Variants in NPNT observed in about 807,000 individuals in gnomAD.
NPNT encodes preosteoblast EGF-like repeat protein with MAM domain.
NPNT carries 45 observed loss-of-function variants against 68.6 expected under a neutral mutation model. The observed-to-expected ratio is 0.66, with a 90% CI of 0.52 to 0.84. The LOEUF (loss-of-function observed/expected upper bound fraction) is 0.84. NPNT is among the 40% of genes least tolerant of loss of function. The pLI is 0.00. For missense variants in NPNT, 672 were observed against 714.8 expected (o/e 0.94, Z 0.68); for synonymous variants, 233 against 253.3 (o/e 0.92, Z 0.76).
At chr4:105,956,137 G>A (rs1731205219) in intron 8 of NPNT, among the ~76,000 whole-genome samples, 1 of 123,680 alleles carries the variant, frequency 8.1e-6, no homozygotes, top group Non-Finnish European at 1.9e-5. Context: ...AATTCTTTGT[G>A]TTGCCATCTT....
chr4:105,920,201 T>C (rs1312912953), intron 2 of NPNT, among the ~76,000 whole-genome samples: 1 of 151,818 alleles, frequency 6.6e-6, no homozygotes, highest in Non-Finnish European at 1.5e-5. Flanking sequence ...CAAGCCAGCT[T>C]CTATTCTTTT....
At chr4:105,929,229 A>G (rs771328783) in intron 3 of NPNT, among the ~76,000 whole-genome samples, 13 of 151,976 alleles carry the variant, frequency 8.6e-5, no homozygotes, top group Non-Finnish European at 1.9e-4. Flanking sequence ...GTGTTAAGAC[A>G]CCGTTTTTAC....
chr4:105,921,923 T>C (rs1728282644), intron 2 of NPNT, among the ~76,000 whole-genome samples: 1 of 152,216 alleles, frequency 6.6e-6, no homozygotes, highest in Non-Finnish European at 1.5e-5. Context: ...AGTCTTCCAG[T>C]TTCATATCTA....
chr4:105,960,747 A>C (rs1476594812), intron 10 of NPNT, among the ~76,000 whole-genome samples: 1 of 149,980 alleles, frequency 6.7e-6, no homozygotes, highest in African/African-American at 2.5e-5. Flanking sequence ...ATAAGAGAGA[A>C]ACCAACATAT....
At chr4:105,933,598 C>T (rs957970869) in intron 3 of NPNT, among the ~76,000 whole-genome samples, 2 of 151,984 alleles carry the variant, frequency 1.3e-5, no homozygotes, top group East Asian at 3.8e-4. Flanking sequence ...ATGACATTGC[C>T]CGATTTAAGC....
Position 105,940,606 on chromosome 4 carries a change from G to A in NPNT, c.733G>A (p.Gly245Arg), listed in dbSNP as rs148105888. Residue 245 changes from glycine (G) to arginine (R), a missense_variant, in exon 7 of 12, where the codon GGA (glycine) becomes AGA (arginine). Coordinates refer to ENST00000379987, the MANE Select transcript of NPNT (RefSeq NM_001033047.3). Reference protein sequence around the residue: ...RGSYKCKCKEGYQGDGLTCVY... With the variant: ...RGSYKCKCKERYQGDGLTCVY... ...GTCCTACAAGTGCAAATGTAAAGAA[G>A]GATACCAGGGTGATGGACTGACTTG... The A allele has an allele frequency of 1.7e-4, 281 of 1,613,424 alleles. No individual in the cohort carries two copies. Among genetic ancestry groups the A allele is most frequent in the Middle Eastern group, 5.0e-4 (3 of 6,058 alleles).
At chr4:105,898,264 C>T (rs556410374) in intron 2 of NPNT, 80 of 326,248 alleles carry the variant, frequency 2.5e-4, no homozygotes, top group African/African-American at 1.6e-3. Flanking sequence ...ATCTGCATCT[C>T]CTTCCTGTTT....
intron 8 of NPNT, among the ~76,000 whole-genome samples, chr4:105,955,888 ATTAG>A (rs959429872): frequency 5.3e-5 from 8 of 152,086 alleles, no homozygotes; most frequent in Non-Finnish European, 8.8e-5. Flanking sequence ...AGGAAGGAAA[ATTAG>A]TTAAATAATT....
At chr4:105,968,767 T>G in intron 11 of NPNT, 128 bp from the exon 12 acceptor site, 1 of 597,750 alleles carries the variant, frequency 1.7e-6, no homozygotes, top group Non-Finnish European at 3.0e-6. Context: ...AACTATATTC[T>G]GTTTTTTTCC....
At chr4:105,956,032 A>C (rs1040190580) in intron 8 of NPNT, among the ~76,000 whole-genome samples, 3 of 152,150 alleles carry the variant, frequency 2.0e-5, no homozygotes, top group African/African-American at 7.2e-5. Flanking sequence ...TCTGCTGCTA[A>C]ATTAAATGGT....
intron 8 of NPNT, among the ~76,000 whole-genome samples, chr4:105,953,631 C>G (rs1464419525): frequency 6.6e-6 from 1 of 152,024 alleles, no homozygotes; most frequent in Non-Finnish European, 1.5e-5. Context: ...GAGGAGAGAC[C>G]ATCTCATAAA....
intron 3 of NPNT, chr4:105,932,624 C>G: frequency 6.5e-7 from 1 of 1,534,858 alleles, no homozygotes; most frequent in Non-Finnish European, 8.7e-7. Flanking sequence ...ACGAGCACAT[C>G]CCAGCTCCTC....
intron 10 of NPNT, among the ~76,000 whole-genome samples, chr4:105,961,505 A>T (rs1731718327): frequency 6.6e-6 from 1 of 152,232 alleles, no homozygotes; most frequent in African/African-American, 2.4e-5. Context: ...TCTATGTAAA[A>T]TACTTGAGTT....
At chr4:105,933,141 G>T (rs1729246243) in intron 3 of NPNT, among the ~76,000 whole-genome samples, 1 of 152,042 alleles carries the variant, frequency 6.6e-6, no homozygotes, top group South Asian at 2.1e-4. Context: ...CCTTCTTTTG[G>T]TATACATTGT....
chr4:105,956,960 C>T (rs1204904836), intron 8 of NPNT, among the ~76,000 whole-genome samples: 2 of 152,142 alleles, frequency 1.3e-5, no homozygotes, highest in Admixed American at 6.6e-5. Flanking sequence ...CTTGTGCAAA[C>T]GTTCTGGGAT....
Position 105,937,082 on chromosome 4 carries a change from C to T in NPNT, c.339C>T (p.Cys113=), listed in dbSNP as rs781343210. Residue 113 remains cysteine, a synonymous_variant, in exon 4 of 12, where the codon TGC becomes TGT. Coordinates refer to ENST00000379987, the MANE Select transcript of NPNT (RefSeq NM_001033047.3). The part of the protein sequence containing the change: ...RCMNTYGSYK[C]YCLNGYMLMP... ...TGAACACTTACGGCAGCTACAAGTGCTACTGTCTCAACGGATATATGCTCA... is the reference window on the plus strand; with the variant it reads ...TGAACACTTACGGCAGCTACAAGTGTTACTGTCTCAACGGATATATGCTCA... 1 of 1,613,602 alleles carries T rather than the reference C, an allele frequency of 6.2e-7. No individual in the cohort carries two copies.
rs1448435382 is a variant in NPNT at position 105,970,764 on chromosome 4, CAA to C, written c.*1777_*1778del. On this transcript the variant is annotated 3_prime_UTR_variant, in exon 12 of 12. Transcript: ENST00000379987. ...AAAAGTAACAAATTATAGAATTTCC[CAA>C]AAGATGTTTTGATCCTACTAGTAGT... is the stretch of plus-strand genomic sequence containing the variant. 5 of 366,136 alleles carry C rather than the reference CAA, an allele frequency of 1.4e-5. No individual in the cohort carries two copies. Among genetic ancestry groups the C allele is most frequent in the Admixed American group, 3.9e-5 (1 of 25,792 alleles). 22.7% of individuals were successfully genotyped at this position (366,136 alleles called of 1,614,324 possible).
At chr4:105,954,189 C>T (rs1176397687) in intron 8 of NPNT, among the ~76,000 whole-genome samples, 1 of 152,200 alleles carries the variant, frequency 6.6e-6, no homozygotes, top group Non-Finnish European at 1.5e-5. Flanking sequence ...CTCCAGGGCC[C>T]AGTAGCCATT....
At chr4:105,958,812 A>AT (rs1731449295) in intron 9 of NPNT, 7 of 551,322 alleles carry the variant, frequency 1.3e-5, no homozygotes, top group Non-Finnish European at 2.3e-5. Context: ...TAACATTGTT[A>AT]TAATTTGGCA....
Sources: allele counts gnomAD v4.1 joint callset (sites outside exome capture counted in the v4.1 genomes callset), GRCh38; gene constraint gnomAD v4.1.1; transcripts MANE v1.5; gene names NCBI Gene and HGNC (gene_info 2026-07-23, HGNC 2026-07-21).